The following GRIA1 variants were observed in gnomAD, a reference collection of about 807,000 sequenced individuals.
GRIA1 encodes glutamate ionotropic receptor AMPA type subunit 1, also known as glutamate receptor 1.
GRIA1 carries 31 observed loss-of-function variants against 99.2 expected under a neutral mutation model. The ratio of observed to expected loss-of-function variants is 0.31; its 90% CI spans 0.23 to 0.42. The LOEUF is 0.42. Among genes scored for constraint, GRIA1 ranks in the 10% least tolerant of loss-of-function variants. GRIA1 has a pLI of 1.00. For missense variants in GRIA1, 782 were observed against 1,157.5 expected, an observed-to-expected ratio of 0.68 and a Z score of 4.71; for synonymous variants, 438 against 432.4, an observed-to-expected ratio of 1.01 and a Z score of -0.16.
intron 12 of GRIA1, among the ~76,000 whole-genome samples, chr5:153,768,953 G>C (rs1763701016): frequency 6.6e-6 from 1 of 152,200 alleles, no homozygotes; most frequent in Non-Finnish European, 1.5e-5. Context: ...CAGTATGCTA[G>C]ATGAGAAGTT....
chr5:153,651,141 C>T (rs1226509764), intron 4 of GRIA1, among the ~76,000 whole-genome samples: 1 of 151,944 alleles, frequency 6.6e-6, no homozygotes, highest in East Asian at 1.9e-4. Context: ...GAAATGTTAT[C>T]ATATTAGGAA....
chr5:153,588,725 A>G (rs1493388), intron 2 of GRIA1, among the ~76,000 whole-genome samples: 7,900 of 152,286 alleles, frequency 0.052, 282 homozygotes, highest in Non-Finnish European at 0.076. Context: ...TAATGATTAA[A>G]TAATAGTCTA....
At chr5:153,564,530 C>T (rs1761446537) in intron 2 of GRIA1, among the ~76,000 whole-genome samples, 1 of 152,068 alleles carries the variant, frequency 6.6e-6, no homozygotes, top group African/African-American at 2.4e-5. Context: ...GGATGGAAGA[C>T]CTGAAAACTA....
At chr5:153,735,015 G>T (rs1306667894) in intron 11 of GRIA1, among the ~76,000 whole-genome samples, 1 of 152,116 alleles carries the variant, frequency 6.6e-6, no homozygotes, top group Admixed American at 6.5e-5. Context: ...CTTGGGGATG[G>T]GAGCTACTGG....
intron 2 of GRIA1, among the ~76,000 whole-genome samples, chr5:153,638,669 G>A (rs1753565940): frequency 6.6e-6 from 1 of 152,212 alleles, no homozygotes; most frequent in South Asian, 2.1e-4. Flanking sequence ...TGCAATTTCT[G>A]TCTTATATGA....
chr5:153,503,357 G>C (rs912314232), intron 2 of GRIA1, among the ~76,000 whole-genome samples: 1 of 152,298 alleles, frequency 6.6e-6, no homozygotes, highest in South Asian at 2.1e-4. Flanking sequence ...TTAGTTTCCA[G>C]ATGTATAATA....
chr5:153,536,859 C>T (rs193106755), intron 2 of GRIA1, among the ~76,000 whole-genome samples: 34 of 152,262 alleles, frequency 2.2e-4, no homozygotes, highest in South Asian at 2.1e-4. Flanking sequence ...ATTGCCAGTG[C>T]CTTCGTTGAG....
chr5:153,650,214 G>T, intron 3 of GRIA1, 116 bp from the exon 4 acceptor site: 1 of 773,602 alleles, frequency 1.3e-6, no homozygotes, highest in Non-Finnish European at 2.1e-6. Flanking sequence ...CTAGAACTGA[G>T]TTTGGCAGAA....
At chr5:153,636,555 C>T (rs1265875612) in intron 2 of GRIA1, among the ~76,000 whole-genome samples, 3 of 152,164 alleles carry the variant, frequency 2.0e-5, no homozygotes, top group African/African-American at 4.8e-5. Flanking sequence ...GCCCGCAAAA[C>T]CTAAGATATT....
chr5:153,551,347 GTT>G (rs748423625), intron 2 of GRIA1, among the ~76,000 whole-genome samples: 7 of 113,600 alleles, frequency 6.2e-5, no homozygotes, highest in Non-Finnish European at 1.4e-4. Context: ...TCTTTTTACA[GTT>G]TTTTTTGTTT....
intron 2 of GRIA1, among the ~76,000 whole-genome samples, chr5:153,640,509 G>T (rs910461260): frequency 2.0e-5 from 3 of 152,158 alleles, no homozygotes; most frequent in African/African-American, 7.2e-5. Context: ...TTTTTCTGTT[G>T]TGCCCTTCTC....
chr5:153,672,145 A>AG (rs1756232225), intron 5 of GRIA1, among the ~76,000 whole-genome samples: 1 of 152,186 alleles, frequency 6.6e-6, no homozygotes, highest in African/African-American at 2.4e-5. Flanking sequence ...ACAGTCCCTG[A>AG]GGGGATCCCA....
At chr5:153,670,163 A>G (rs1246427965) in intron 5 of GRIA1, among the ~76,000 whole-genome samples, 2 of 152,226 alleles carry the variant, frequency 1.3e-5, no homozygotes, top group Non-Finnish European at 2.9e-5. Context: ...CAGTAGACAC[A>G]GCATTCTTTC....
intron 2 of GRIA1, among the ~76,000 whole-genome samples, chr5:153,588,346 C>T (rs1763676835): frequency 2.0e-5 from 3 of 152,202 alleles, no homozygotes; most frequent in Admixed American, 2.0e-4. Flanking sequence ...GCACTTCCCC[C>T]AACCCCCATG....
chr5:153,603,365 T>C (rs1227287642), intron 2 of GRIA1, among the ~76,000 whole-genome samples: 2 of 145,384 alleles, frequency 1.4e-5, no homozygotes, highest in Non-Finnish European at 3.1e-5. Context: ...CTATTGTGAA[T>C]AGTGCCACAA....
intron 2 of GRIA1, among the ~76,000 whole-genome samples, chr5:153,641,287 A>T (rs1753763128): frequency 6.6e-6 from 1 of 152,112 alleles, no homozygotes; most frequent in African/African-American, 2.4e-5. Context: ...AAATGAAGTG[A>T]CAATAAAAAA....
Position 153,588,000 on chromosome 5 carries a change from C to G in GRIA1, c.221-58928C>G, listed in dbSNP as rs111515664. Among the ~76,000 whole-genome samples the G allele has an allele frequency of 3.8e-3, 574 of 152,204 alleles. 3 individuals are homozygous for G. The highest frequency in any genetic ancestry group is 0.013 in the African/African-American group (555 of 41,532). On this transcript the variant is annotated intron_variant, in intron 2 of 15. Transcript: ENST00000285900. The stretch of plus-strand genomic sequence containing the variant: ...CACATTTATACCAAAATCTTAGGTT[C>G]TAAAAAATGAGAAAGCATTAAGGTA...
At chr5:153,625,648 A>C (rs185984458) in intron 2 of GRIA1, among the ~76,000 whole-genome samples, 372 of 152,342 alleles carry the variant, frequency 2.4e-3, no homozygotes, top group African/African-American at 8.6e-3. Context: ...GGTCCAAAGG[A>C]AGCAGAAATT....
chr5:153,770,518 T>A, intron 13 of GRIA1, 103 bp downstream of exon 13: 2 of 1,095,170 alleles, frequency 1.8e-6, no homozygotes, highest in South Asian at 1.5e-5. Context: ...CAATGCAAGC[T>A]GTTGAGGGGG....
Sources: allele counts gnomAD v4.1 joint callset (sites outside exome capture counted in the v4.1 genomes callset), GRCh38; gene constraint gnomAD v4.1.1; transcripts MANE v1.5; gene names NCBI Gene and HGNC (gene_info 2026-07-23, HGNC 2026-07-21).